Variants in TENM4 observed in about 807,000 individuals in gnomAD.
TENM4 encodes teneurin-4.
TENM4 carries 82 observed loss-of-function variants against 243.3 expected under a neutral mutation model. That is an observed-to-expected ratio of 0.34 (90% CI 0.28 to 0.40). The LOEUF (loss-of-function observed/expected upper bound fraction) is 0.40, where lower values mean the gene tolerates loss of function less well. Ranked by LOEUF, TENM4 falls within the 10% of genes least tolerant of loss-of-function variation. The probability of loss-of-function intolerance (pLI) is 1.00; values close to 1 mark genes in which losing one functional copy is unlikely to be tolerated. For missense variants in TENM4, 3,138 were observed against 3,673.3 expected, an observed-to-expected ratio of 0.85 and a Z score of 3.77; for synonymous variants, 1,412 against 1,456.3, an observed-to-expected ratio of 0.97 and a Z score of 0.69.
intron 12 of TENM4, among the ~76,000 whole-genome samples, chr11:78,829,252 T>C (rs1479862919): frequency 6.6e-6 from 1 of 152,190 alleles, no homozygotes; most frequent in Admixed American, 6.5e-5. Flanking sequence ...ATCTTGTCTC[T>C]GGCATGTTTT....
intron 1 of TENM4, among the ~76,000 whole-genome samples, chr11:79,388,571 G>A (rs989414229): frequency 6.6e-6 from 1 of 152,196 alleles, no homozygotes; most frequent in African/African-American, 2.4e-5. Flanking sequence ...GGGCGTAAGA[G>A]TGGGGCCTCG....
intron 3 of TENM4, among the ~76,000 whole-genome samples, chr11:79,207,693 C>T (rs536587300): frequency 3.3e-5 from 5 of 151,734 alleles, no homozygotes; most frequent in South Asian, 4.2e-4. Flanking sequence ...GGTGAAACCC[C>T]GTCTCTACAG....
At chr11:78,950,275 A>G (rs1456672694) in intron 6 of TENM4, among the ~76,000 whole-genome samples, 2 of 152,202 alleles carry the variant, frequency 1.3e-5, no homozygotes, top group African/African-American at 4.8e-5. Flanking sequence ...AGAGAGCCGG[A>G]GTGCAACTCA....
rs1165152101 is a variant in TENM4, at chr11:78,655,967, T to G, written c.*2091A>C. The G allele has an allele frequency of 1.3e-5, 2 of 152,122 alleles. No individual in the cohort carries two copies. Among genetic ancestry groups the G allele is most frequent in the Non-Finnish European group, 2.9e-5 (2 of 68,052 alleles). The allele number at this position is 152,122 out of a possible 1,614,324, so 9.4% of individuals were successfully genotyped here. On this transcript the variant is annotated 3_prime_UTR_variant, in exon 34 of 34. Transcript: ENST00000278550. ...AGTAGAGCTCTGGATCCAGGGGCAA[T>G]GGGCAACCAGTGGACAAGCAGGCCA...
At chr11:79,135,670 A>G (rs1862093357) in intron 4 of TENM4, among the ~76,000 whole-genome samples, 1 of 139,550 alleles carries the variant, frequency 7.2e-6, no homozygotes, top group Non-Finnish European at 1.5e-5. Flanking sequence ...ACACACATAT[A>G]TGATATATCA....
chr11:78,909,840 G>A (rs1009151151), intron 6 of TENM4, among the ~76,000 whole-genome samples: 10 of 152,242 alleles, frequency 6.6e-5, no homozygotes, highest in Non-Finnish European at 1.0e-4. Context: ...GAGACACTGG[G>A]GCAGGCCCAG....
intron 3 of TENM4, among the ~76,000 whole-genome samples, chr11:79,166,302 C>T (rs1480006014): frequency 6.6e-6 from 1 of 152,204 alleles, no homozygotes; most frequent in Non-Finnish European, 1.5e-5. Context: ...CCCACTGGCT[C>T]CATTTCTGGA....
intron 2 of TENM4, among the ~76,000 whole-genome samples, chr11:79,288,856 T>C (rs544171979): frequency 4.7e-5 from 7 of 150,168 alleles, no homozygotes; most frequent in South Asian, 4.2e-4. Flanking sequence ...TAAGAATGGG[T>C]GAGATGACAA....
At chr11:79,124,980 T>C (rs1179593453) in intron 4 of TENM4, among the ~76,000 whole-genome samples, 1 of 150,468 alleles carries the variant, frequency 6.6e-6, no homozygotes, top group Non-Finnish European at 1.5e-5. Flanking sequence ...ATACAGATTT[T>C]GGGACCAGGA....
intron 6 of TENM4, among the ~76,000 whole-genome samples, chr11:79,009,369 A>G (rs1226519387): frequency 6.6e-6 from 1 of 152,126 alleles, no homozygotes; most frequent in African/African-American, 2.4e-5. Context: ...CAAGTATTTT[A>G]TTGTTCTTAT....
In TENM4 at chr11:79,139,142, T is replaced by C. The variant is rs1378598069; in HGVS notation, c.-66+9568A>G. Among the ~76,000 whole-genome samples, 28 of 67,890 alleles carry C rather than the reference T, an allele frequency of 4.1e-4. 4 individuals carry two copies. Among genetic ancestry groups the C allele is most frequent in the African/African-American group, 1.3e-3 (17 of 12,804 alleles). 44.5% of individuals were successfully genotyped at this position (67,890 alleles called of 152,430 possible). A position where few individuals can be genotyped will look rare whatever the true frequency, so the allele number is the denominator to read the frequency against. ...TCTATAAATATATATTATATTTCTATAAATATATAAAATATATATTATATT... is the reference window on the plus strand; with the variant it reads ...TCTATAAATATATATTATATTTCTACAAATATATAAAATATATATTATATT... On this transcript the variant is annotated intron_variant, in intron 4 of 33. Transcript: ENST00000278550.
At chr11:78,668,721 G>A (rs1037599927) in intron 32 of TENM4, among the ~76,000 whole-genome samples, 1 of 152,136 alleles carries the variant, frequency 6.6e-6, no homozygotes, top group African/African-American at 2.4e-5. Flanking sequence ...ATGTAATAAT[G>A]GTGGTGACCC....
chr11:79,431,913 T>C (rs539537986), intron 1 of TENM4, among the ~76,000 whole-genome samples: 1 of 152,280 alleles, frequency 6.6e-6, no homozygotes, highest in East Asian at 1.9e-4. Context: ...CAAGGATCCT[T>C]GCATTTTTTT....
chr11:79,372,979 A>C (rs1387432469), intron 1 of TENM4, among the ~76,000 whole-genome samples: 1 of 152,210 alleles, frequency 6.6e-6, no homozygotes, highest in South Asian at 2.1e-4. Flanking sequence ...AGCTGTATTC[A>C]AACTGCAGAT....
At chr11:79,054,934 C>A (rs1859902361) in intron 6 of TENM4, among the ~76,000 whole-genome samples, 1 of 151,950 alleles carries the variant, frequency 6.6e-6, no homozygotes, top group Non-Finnish European at 1.5e-5. Context: ...AGTTCAAGAC[C>A]AGCCTGGCCA....
At chr11:78,835,230 G>A (rs890597782) in intron 12 of TENM4, among the ~76,000 whole-genome samples, 4 of 152,182 alleles carry the variant, frequency 2.6e-5, no homozygotes, top group South Asian at 4.1e-4. Context: ...CACACTGGCC[G>A]GGCACAGTGG....
intron 2 of TENM4, among the ~76,000 whole-genome samples, chr11:79,295,470 C>T (rs1352626988): frequency 1.3e-5 from 2 of 152,222 alleles, no homozygotes; most frequent in Admixed American, 6.5e-5. Flanking sequence ...AGCCCCAGCT[C>T]TCCCAGCTCA....
chr11:78,841,825 C>T (rs551712847), intron 12 of TENM4, among the ~76,000 whole-genome samples: 2 of 152,262 alleles, frequency 1.3e-5, no homozygotes, highest in South Asian at 4.1e-4. Context: ...CTCCTGAACT[C>T]GTGGTGACCC....
At chr11:79,043,214 C>T (rs1859580258) in intron 6 of TENM4, among the ~76,000 whole-genome samples, 1 of 152,188 alleles carries the variant, frequency 6.6e-6, no homozygotes, top group Admixed American at 6.5e-5. Flanking sequence ...TAGATGGAAA[C>T]ACCTCAGAGG....
Sources: allele counts gnomAD v4.1 joint callset (sites outside exome capture counted in the v4.1 genomes callset), GRCh38; gene constraint gnomAD v4.1.1; transcripts MANE v1.5; gene names NCBI Gene and HGNC (gene_info 2026-07-23, HGNC 2026-07-21).